Variants in TACC2 observed in about 807,000 individuals in gnomAD.
The protein encoded by TACC2 is transforming acidic coiled-coil containing protein 2, also known as transforming acidic coiled-coil-containing protein 2.
TACC2 carries 137 observed loss-of-function variants against 227.3 expected under a neutral mutation model. That is an observed-to-expected ratio of 0.60 (90% confidence interval 0.52 to 0.69). The LOEUF (loss-of-function observed/expected upper bound fraction) is 0.69. Ranked by LOEUF, TACC2 falls within the 30% of genes least tolerant of loss-of-function variation. The pLI, the probability that TACC2 is intolerant of heterozygous loss-of-function variation, is 0.00. For missense variants in TACC2, 3,470 were observed against 3,694.4 expected, an observed-to-expected ratio of 0.94 and a Z score of 1.57; for synonymous variants, 1,523 against 1,487.5, an observed-to-expected ratio of 1.02 and a Z score of -0.55.
In TACC2 at chr10:122,050,406, T is replaced by C; in HGVS notation, c.34-32T>C. 13 of 1,568,048 alleles carry C rather than the reference T, an allele frequency of 8.3e-6. No homozygotes were observed. The highest frequency in any genetic ancestry group is 1.1e-5 in the Non-Finnish European group (12 of 1,140,106). ...GTGTTTTCAGAGACTCCTATCTGATTTCCTTTCCAATTTCTTTTTCTCCTG... is the reference window on the plus strand; with the variant it reads ...GTGTTTTCAGAGACTCCTATCTGATCTCCTTTCCAATTTCTTTTTCTCCTG... On this transcript the variant is annotated intron_variant, in intron 2 of 22. Coordinates refer to ENST00000369005, the MANE Select transcript of TACC2 (RefSeq NM_206862.4). This position sits in a 1 kb window ranked among gnomAD's most constrained non-coding sequence, Gnocchi z 4.6.
At chr10:122,136,545 G>GTGTATA (rs1555066884) in intron 6 of TACC2, among the ~76,000 whole-genome samples, 828 of 54,952 alleles carry the variant, frequency 0.015, 9 homozygotes, top group African/African-American at 0.038. Flanking sequence ...GTGTGTGTGT[G>GTGTATA]TATATATATA....
At chr10:122,237,349 T>C in intron 16 of TACC2, 46 bp from the exon 17 acceptor site, 5 of 1,562,088 alleles carry the variant, frequency 3.2e-6, no homozygotes, top group Non-Finnish European at 4.3e-6. Flanking sequence ...CTTTGTCGTA[T>C]GATTAATGCT....
chr10:122,026,919 T>C (rs1271945615), intron 2 of TACC2, among the ~76,000 whole-genome samples: 2 of 152,246 alleles, frequency 1.3e-5, no homozygotes, highest in Non-Finnish European at 2.9e-5. Context: ...AAAACTACTA[T>C]AAACATCTAT....
chr10:122,122,609 T>C (rs2086059849), intron 5 of TACC2, among the ~76,000 whole-genome samples: 1 of 152,082 alleles, frequency 6.6e-6, no homozygotes, highest in South Asian at 2.1e-4. Context: ...TAAGCTGCTT[T>C]CCCCGGGGTC....
rs115923084 is a variant in TACC2 at position 122,162,669 on chromosome 10, G to A, written c.5834+18963G>A. Among the ~76,000 whole-genome samples the A allele has an allele frequency of 3.9e-3, 598 of 152,324 alleles. 4 individuals are homozygous for A. The highest frequency in any genetic ancestry group is 0.013 in the African/African-American group (523 of 41,570). On this transcript the variant is annotated intron_variant, in intron 7 of 22. Coordinates refer to ENST00000369005, the MANE Select transcript of TACC2 (RefSeq NM_206862.4). The stretch of plus-strand genomic sequence containing the variant: ...GATCTCAAGTCTTGAGGGTTTCTGA[G>A]CCTGCCATAGGCCAGGGACAGGGAT...
intron 3 of TACC2, among the ~76,000 whole-genome samples, chr10:122,080,321 C>T (rs935949964): frequency 1.3e-5 from 2 of 151,544 alleles, no homozygotes; most frequent in Non-Finnish European, 2.9e-5. Flanking sequence ...CAGCCTCAAC[C>T]TCCAGCACTC....
chr10:122,235,667 A>G (rs1274607017), intron 16 of TACC2, among the ~76,000 whole-genome samples: 1 of 152,028 alleles, frequency 6.6e-6, no homozygotes, highest in Non-Finnish European at 1.5e-5. Context: ...TGTGAAACCC[A>G]TTTTCCAATA....
At chr10:122,227,037 T>C (rs899446791) in intron 13 of TACC2, among the ~76,000 whole-genome samples, 1 of 152,076 alleles carries the variant, frequency 6.6e-6, no homozygotes, top group African/African-American at 2.4e-5. Flanking sequence ...AATAATGAAA[T>C]GGACCTTGCA....
intron 18 of TACC2, among the ~76,000 whole-genome samples, chr10:122,240,959 T>C (rs920963475): frequency 1.3e-4 from 20 of 152,138 alleles, no homozygotes; most frequent in African/African-American, 4.3e-4. Context: ...ATGAGATTTG[T>C]GTTCAGTGAT....
At chr10:122,188,950 A>G (rs1042643833) in intron 7 of TACC2, among the ~76,000 whole-genome samples, 1 of 152,222 alleles carries the variant, frequency 6.6e-6, no homozygotes, top group Non-Finnish European at 1.5e-5. Context: ...CATGGAAGGC[A>G]GTACCTGGCT....
chr10:121,999,472 A>T (rs1245663388), intron 1 of TACC2, among the ~76,000 whole-genome samples: 1 of 152,250 alleles, frequency 6.6e-6, no homozygotes, highest in Non-Finnish European at 1.5e-5. Context: ...TGAGACAAGC[A>T]ACGCTTGAAT....
At chr10:122,021,249 G>C (rs1435809448) in intron 1 of TACC2, among the ~76,000 whole-genome samples, 1 of 149,822 alleles carries the variant, frequency 6.7e-6, no homozygotes, top group African/African-American at 2.5e-5. Flanking sequence ...AGGCGGGGGG[G>C]AAGAAAGATC....
Position 122,250,543 on chromosome 10 carries a change from G to A in TACC2, c.8781+879G>A, listed in dbSNP as rs1023753120. Among the ~76,000 whole-genome samples the A allele has an allele frequency of 7.2e-5, 11 of 152,182 alleles. No homozygotes were observed. The South Asian group carries it at 8.3e-4, about 11-fold the overall frequency. ...CCCAGCCAGCCCCAGGGGATTGGCT[G>A]TCCTCCTTTGCCCACTGTGGTTGGT... On this transcript the variant is annotated intron_variant, in intron 22 of 22. Transcript: ENST00000369005.
At chr10:122,080,983 T>C (rs1343959112) in intron 3 of TACC2, among the ~76,000 whole-genome samples, 1 of 152,206 alleles carries the variant, frequency 6.6e-6, no homozygotes, top group Non-Finnish European at 1.5e-5. Flanking sequence ...AAAACCATAC[T>C]TATGTTAACT....
At chr10:122,156,310 G>A (rs1017227727) in intron 7 of TACC2, among the ~76,000 whole-genome samples, 4 of 150,546 alleles carry the variant, frequency 2.7e-5, no homozygotes, top group Non-Finnish European at 5.9e-5. Flanking sequence ...TGCAAGCTCC[G>A]CTTCCCGGGT....
At chr10:122,121,946 G>A (rs1372229579) in intron 5 of TACC2, among the ~76,000 whole-genome samples, 6 of 152,200 alleles carry the variant, frequency 3.9e-5, no homozygotes, top group African/African-American at 9.6e-5. Flanking sequence ...AAGACCTGGC[G>A]GGGAGGGGGA....
At chr10:122,169,997 C>G (rs1027251793) in intron 7 of TACC2, among the ~76,000 whole-genome samples, 1 of 152,120 alleles carries the variant, frequency 6.6e-6, no homozygotes, top group Non-Finnish European at 1.5e-5. Context: ...GTGATTCTCC[C>G]GCCTTGGCCT....
In TACC2 at chr10:122,083,560, G is replaced by T; in HGVS notation, c.1060G>T (p.Ala354Ser). The change falls in exon 4 of 23, where the codon GCC (alanine) becomes TCC (serine). Residue 354 changes from alanine to serine, a missense_variant. This residue lies in a region of TACC2 where 1,924 missense variants were observed against 1,978.3 expected (regional missense o/e 0.97). Transcript: ENST00000369005. ...AELPWGLPSP[A>S]LVPEAGGSGK... ...GCTGCCCTGGGGCTTGCCAAGTCCT[G>T]CCCTGGTGCCAGAGGCTGGGGGCTC... is the stretch of plus-strand genomic sequence containing the variant. 4 of 1,613,142 alleles carry T rather than the reference G, an allele frequency of 2.5e-6. No homozygotes were observed. Among genetic ancestry groups the T allele is most frequent in the Non-Finnish European group, 3.4e-6 (4 of 1,179,992 alleles).
At chr10:122,192,480 C>T (rs1374164755) in intron 7 of TACC2, 7 of 347,168 alleles carry the variant, frequency 2.0e-5, no homozygotes, top group African/African-American at 8.6e-5. Flanking sequence ...AGGGGATGGA[C>T]GAGTACTCAG....
Sources: allele counts gnomAD v4.1 joint callset (sites outside exome capture counted in the v4.1 genomes callset), GRCh38; gene constraint gnomAD v4.1.1; regional missense constraint gnomAD v4.1.1; non-coding constraint Gnocchi (gnomAD v3.1); transcripts MANE v1.5; gene names NCBI Gene and HGNC (gene_info 2026-07-23, HGNC 2026-07-21).